The following XKR4 variants were observed in gnomAD, a reference collection of about 807,000 sequenced individuals.
The protein encoded by XKR4 is XK related 4.
A neutral mutation model predicts 53.9 loss-of-function variants in XKR4; 12 were observed. That is an observed-to-expected ratio of 0.22 (90% CI 0.14 to 0.36). The LOEUF is 0.36. Among genes scored for constraint, XKR4 ranks in the 10% least tolerant of loss-of-function variants. XKR4 has a pLI of 1.00. For missense variants in XKR4, 799 were observed against 859.5 expected (o/e 0.93, Z 0.88); for synonymous variants, 354 against 362.4 (o/e 0.98, Z 0.26).
chr8:55,217,060 G>A (rs1225590448), intron 1 of XKR4, among the ~76,000 whole-genome samples: 2 of 151,872 alleles, frequency 1.3e-5, no homozygotes, highest in South Asian at 2.1e-4. Context: ...GGCCAACATG[G>A]TGAAACACTG....
At chr8:55,204,821 T>A (rs1817622259) in intron 1 of XKR4, among the ~76,000 whole-genome samples, 1 of 152,186 alleles carries the variant, frequency 6.6e-6, no homozygotes, top group African/African-American at 2.4e-5. Flanking sequence ...TTTCTGGTAA[T>A]AATAGAAATG....
intron 1 of XKR4, among the ~76,000 whole-genome samples, chr8:55,190,542 G>A (rs1817432193): frequency 6.6e-6 from 1 of 152,214 alleles, no homozygotes; most frequent in Non-Finnish European, 1.5e-5. Context: ...CAGACTGCCT[G>A]AGAGATGGTC....
chr8:55,283,567 C>T (rs771341158), intron 1 of XKR4, among the ~76,000 whole-genome samples: 5 of 152,154 alleles, frequency 3.3e-5, no homozygotes, highest in African/African-American at 7.2e-5. Context: ...AATGAGCACT[C>T]GAATAGAAAC....
chr8:55,469,834 G>A (rs1049622247), intron 2 of XKR4, among the ~76,000 whole-genome samples: 1 of 152,062 alleles, frequency 6.6e-6, no homozygotes, highest in Admixed American at 6.5e-5. Context: ...GGAAACTACC[G>A]AACTCTGCCC....
At chr8:55,178,670 A>T (rs1343063488) in intron 1 of XKR4, among the ~76,000 whole-genome samples, 2 of 152,148 alleles carry the variant, frequency 1.3e-5, no homozygotes, top group African/African-American at 2.4e-5. Flanking sequence ...CTAGCTCGAC[A>T]CTAACTAGTT....
chr8:55,150,965 A>C (rs991814773), intron 1 of XKR4, among the ~76,000 whole-genome samples: 1 of 152,234 alleles, frequency 6.6e-6, no homozygotes, highest in African/African-American at 2.4e-5. Flanking sequence ...CCTTTTTAAG[A>C]AACAGATGCT....
Position 55,537,308 on chromosome 8 carries a change from G to T in XKR4, c.*13081G>T, listed in dbSNP as rs1193931330. 6.6e-6 allele frequency: 1 copy of T among 152,206 alleles called. No homozygotes were observed. Among genetic ancestry groups the T allele is most frequent in the African/African-American group, 2.4e-5 (1 of 41,456 alleles). 9.4% of individuals were successfully genotyped at this position (152,206 alleles called of 1,614,324 possible). ...GTCTGAGATGTTCATCCTGACATTT[G>T]CGTTCCTGATTATTTGTGGACATTT... On this transcript the variant is annotated 3_prime_UTR_variant, in exon 3 of 3. Coordinates refer to ENST00000327381, the MANE Select transcript of XKR4 (RefSeq NM_052898.2).
intron 1 of XKR4, among the ~76,000 whole-genome samples, chr8:55,313,884 C>G (rs1057126746): frequency 7.9e-5 from 12 of 152,172 alleles, no homozygotes; most frequent in African/African-American, 2.4e-4. Flanking sequence ...CCAAGTTTTT[C>G]TGCAGAGTTA....
intron 2 of XKR4, among the ~76,000 whole-genome samples, chr8:55,501,526 G>A (rs923637878): frequency 6.6e-6 from 1 of 151,994 alleles, no homozygotes; most frequent in African/African-American, 2.4e-5. Flanking sequence ...GACTACTCTA[G>A]GTGCCTCATA....
chr8:55,433,893 C>A (rs367660004), intron 2 of XKR4, among the ~76,000 whole-genome samples: 1 of 152,048 alleles, frequency 6.6e-6, no homozygotes, highest in South Asian at 2.1e-4. Context: ...ATTAACTGGG[C>A]GTGGCACACA....
At chr8:55,516,924 C>G (rs1806721653) in intron 2 of XKR4, among the ~76,000 whole-genome samples, 2 of 152,054 alleles carry the variant, frequency 1.3e-5, no homozygotes, top group African/African-American at 4.8e-5. Flanking sequence ...ACATGTACAC[C>G]ATGGAAATAC....
rs564077081 is a variant in XKR4, at chr8:55,310,450, G to A, written c.807-47228G>A. The stretch of plus-strand genomic sequence containing the variant: ...TGTCATTTAGCATAGCACCTGACAC[G>A]TGATAAGCACTCCATAAATATTAGC... On this transcript the variant is annotated intron_variant, in intron 1 of 2. Coordinates refer to ENST00000327381, the MANE Select transcript of XKR4 (RefSeq NM_052898.2). Among the ~76,000 whole-genome samples the A allele has an allele frequency of 3.9e-5, 6 of 152,278 alleles. No individual in the cohort carries two copies. In the South Asian group the frequency reaches 1.0e-3, roughly 26 times the overall value.
At chr8:55,121,818 G>A (rs1043693452) in intron 1 of XKR4, among the ~76,000 whole-genome samples, 2 of 136,132 alleles carry the variant, frequency 1.5e-5, no homozygotes, top group Admixed American at 1.6e-4. Context: ...AAAAGGCACG[G>A]CACAAATACA....
chr8:55,465,422 T>C (rs1390033259), intron 2 of XKR4, among the ~76,000 whole-genome samples: 4 of 152,038 alleles, frequency 2.6e-5, no homozygotes, highest in Non-Finnish European at 4.4e-5. Context: ...CTGGAAAAAC[T>C]GGCTAGCCAT....
intron 1 of XKR4, among the ~76,000 whole-genome samples, chr8:55,222,666 G>A (rs912118330): frequency 6.6e-6 from 1 of 152,096 alleles, no homozygotes; most frequent in Non-Finnish European, 1.5e-5. Flanking sequence ...TCTTATTCAC[G>A]ATTGTGTTCC....
intron 1 of XKR4, among the ~76,000 whole-genome samples, chr8:55,166,345 A>G (rs776161657): frequency 6.6e-6 from 1 of 152,206 alleles, no homozygotes. Context: ...GCACAAGGAG[A>G]CAGTCTGGTT....
At chr8:55,288,833 C>T (rs1431064043) in intron 1 of XKR4, among the ~76,000 whole-genome samples, 1 of 152,140 alleles carries the variant, frequency 6.6e-6, no homozygotes, top group Non-Finnish European at 1.5e-5. Context: ...TCCATTCTTA[C>T]CCCCAGTTTG....
chr8:55,390,206 C>G (rs554513518), intron 2 of XKR4, among the ~76,000 whole-genome samples: 3 of 152,296 alleles, frequency 2.0e-5, no homozygotes, highest in Admixed American at 6.5e-5. Context: ...CTCTAGTTAA[C>G]TTCTTGACCT....
intron 2 of XKR4, among the ~76,000 whole-genome samples, chr8:55,476,740 T>G (rs1451017906): frequency 6.6e-6 from 1 of 152,042 alleles, no homozygotes; most frequent in Admixed American, 6.6e-5. Context: ...CACCAGGAGA[T>G]TATATCCCGC....
Sources: allele counts gnomAD v4.1 joint callset (sites outside exome capture counted in the v4.1 genomes callset), GRCh38; gene constraint gnomAD v4.1.1; transcripts MANE v1.5; gene names NCBI Gene and HGNC (gene_info 2026-07-23, HGNC 2026-07-21).